KCNH1: variants seen among roughly 807,000 people sequenced by gnomAD.
KCNH1 encodes voltage-gated delayed rectifier potassium channel KCNH1.
Under a neutral mutation model 69.2 loss-of-function variants are expected in KCNH1, and 27 were observed. The ratio of observed to expected loss-of-function variants is 0.39; its 90% confidence interval spans 0.29 to 0.54. The LOEUF is 0.54. Ranked by LOEUF, KCNH1 falls within the 20% of genes least tolerant of loss-of-function variation. The pLI, the probability that KCNH1 is intolerant of heterozygous loss-of-function variation, is 0.68. For missense variants in KCNH1, 798 were observed against 1,261.6 expected, an observed-to-expected ratio of 0.63 and a Z score of 5.57; for synonymous variants, 456 against 487.7, an observed-to-expected ratio of 0.93 and a Z score of 0.86.
At chr1:211,120,754 AGAC>A (rs1468777968) in intron 1 of KCNH1, among the ~76,000 whole-genome samples, 6 of 152,324 alleles carry the variant, frequency 3.9e-5, no homozygotes, top group African/African-American at 1.4e-4. Context: ...CTCTGTTTGC[AGAC>A]GACATGATTT....
At chr1:210,879,760 T>C (rs1686456678) in intron 7 of KCNH1, among the ~76,000 whole-genome samples, 1 of 151,922 alleles carries the variant, frequency 6.6e-6, no homozygotes, top group African/African-American at 2.4e-5. Context: ...GCTAATGCAA[T>C]AAGATAAGGA....
At chr1:211,034,446 G>A (rs1293171531) in intron 5 of KCNH1, among the ~76,000 whole-genome samples, 3 of 151,646 alleles carry the variant, frequency 2.0e-5, no homozygotes, top group Admixed American at 6.6e-5. Context: ...GGGGTGGGGG[G>A]TGCCCATAAG....
At chr1:210,946,086 C>T (rs1687953255) in intron 6 of KCNH1, among the ~76,000 whole-genome samples, 1 of 152,208 alleles carries the variant, frequency 6.6e-6, no homozygotes, top group Admixed American at 6.5e-5. Context: ...ATCCATGTAG[C>T]ACTTCACAGC....
chr1:210,903,306 T>C (rs1687033937), intron 7 of KCNH1, among the ~76,000 whole-genome samples: 1 of 152,180 alleles, frequency 6.6e-6, no homozygotes. Context: ...CCTCTGGAAG[T>C]TTTGTTTTAT....
intron 5 of KCNH1, among the ~76,000 whole-genome samples, chr1:211,072,780 T>C (rs1245170130): frequency 6.6e-6 from 1 of 151,530 alleles, no homozygotes; most frequent in African/African-American, 2.4e-5. Context: ...AATGCTCAGT[T>C]AAAACCAAAA....
intron 6 of KCNH1, among the ~76,000 whole-genome samples, chr1:210,956,294 T>A (rs993437164): frequency 6.6e-6 from 1 of 152,236 alleles, no homozygotes; most frequent in Non-Finnish European, 1.5e-5. Flanking sequence ...TGCTGTTGGA[T>A]TCGGTTTGCC....
At chr1:210,711,638 G>A (rs745802463) in intron 10 of KCNH1, among the ~76,000 whole-genome samples, 1 of 152,060 alleles carries the variant, frequency 6.6e-6, no homozygotes, top group South Asian at 2.1e-4. Flanking sequence ...CCTTGGTTTG[G>A]GTGTCCCTCT....
At chr1:210,980,329 G>C (rs1232555482) in intron 6 of KCNH1, among the ~76,000 whole-genome samples, 1 of 152,160 alleles carries the variant, frequency 6.6e-6, no homozygotes, top group Non-Finnish European at 1.5e-5. Flanking sequence ...TGTGTAATGG[G>C]TGTTCACAAG....
intron 7 of KCNH1, among the ~76,000 whole-genome samples, chr1:210,915,828 G>A (rs1006805294): frequency 2.0e-5 from 3 of 152,128 alleles, no homozygotes; most frequent in African/African-American, 7.2e-5. Context: ...AGACAGGGGA[G>A]GTCACAGAAA....
chr1:210,843,889 T>C (rs1685478875), intron 7 of KCNH1, among the ~76,000 whole-genome samples: 1 of 152,148 alleles, frequency 6.6e-6, no homozygotes, highest in Non-Finnish European at 1.5e-5. Flanking sequence ...TCAGCTGCCT[T>C]GTCCAGGTGA....
intron 5 of KCNH1, among the ~76,000 whole-genome samples, chr1:211,045,366 A>G (rs1185421484): frequency 6.6e-6 from 1 of 152,024 alleles, no homozygotes; most frequent in Non-Finnish European, 1.5e-5. Context: ...TCACCACTAA[A>G]GAACTGACTC....
intron 1 of KCNH1, among the ~76,000 whole-genome samples, chr1:211,131,967 C>T (rs769002923): frequency 1.3e-5 from 2 of 152,170 alleles, no homozygotes; most frequent in Non-Finnish European, 2.9e-5. Flanking sequence ...GGGAAAGTGG[C>T]TCTAATAAGA....
chr1:210,770,618 C>T (rs1683735830), intron 10 of KCNH1, among the ~76,000 whole-genome samples: 1 of 152,258 alleles, frequency 6.6e-6, no homozygotes, highest in African/African-American at 2.4e-5. Flanking sequence ...ACACCCATCA[C>T]ATCCAGCTAC....
chr1:210,905,428 G>A (rs1477063103), intron 7 of KCNH1, among the ~76,000 whole-genome samples: 2 of 152,058 alleles, frequency 1.3e-5, no homozygotes, highest in Non-Finnish European at 2.9e-5. Context: ...CAAGTACCAG[G>A]AACTTGGGGT....
In KCNH1 at chr1:211,103,533, C is replaced by G. The variant is rs765217966; in HGVS notation, c.273G>C (p.Glu91Asp). 8 of 1,613,350 alleles carry G rather than the reference C, an allele frequency of 5.0e-6. No homozygotes were observed. The South Asian group carries it at 8.8e-5, about 18-fold the overall frequency. The change falls in exon 3 of 11, where the codon GAG becomes GAC. Residue 91 changes from glutamate to aspartate, a missense_variant. Glu to Asp is a conservative substitution (Grantham distance 45). Transcript: ENST00000271751. The part of the protein sequence containing the change: ...EKVRQTFENY[E>D]MNSFEILMYK... ...ACATCAGAATTTCAAAGGAATTCATCTCATAGTTCTCAAATGTTTGCCGCA... is the reference window on the plus strand; with the variant it reads ...ACATCAGAATTTCAAAGGAATTCATGTCATAGTTCTCAAATGTTTGCCGCA...
intron 1 of KCNH1, among the ~76,000 whole-genome samples, chr1:211,120,018 G>A (rs1337331709): frequency 6.6e-6 from 1 of 152,124 alleles, no homozygotes. Context: ...GTATGGAAGA[G>A]AATGAAAATG....
At chr1:210,791,711 T>G (rs907570008) in intron 9 of KCNH1, among the ~76,000 whole-genome samples, 1 of 152,174 alleles carries the variant, frequency 6.6e-6, no homozygotes, top group African/African-American at 2.4e-5. Context: ...TCTCACCACA[T>G]GTAACAGAAC....
intron 10 of KCNH1, among the ~76,000 whole-genome samples, chr1:210,725,153 G>T (rs1160764804): frequency 6.6e-6 from 1 of 152,116 alleles, no homozygotes; most frequent in Non-Finnish European, 1.5e-5. Context: ...TTCCTGGCTA[G>T]CATTCCCTCT....
At chr1:210,958,256 T>C (rs934237865) in intron 6 of KCNH1, among the ~76,000 whole-genome samples, 5 of 152,224 alleles carry the variant, frequency 3.3e-5, no homozygotes, top group Non-Finnish European at 7.3e-5. Context: ...TTCTGGCTTG[T>C]AGGGTTTCTG....
Sources: gnomAD v4.1 joint callset for allele counts (sites outside exome capture counted in the v4.1 genomes callset) on GRCh38, gnomAD v4.1.1 for gene constraint, MANE v1.5 for transcripts, NCBI Gene and HGNC (gene_info 2026-07-23, HGNC 2026-07-21) for gene names.